Variants in KCNAB1 observed in about 807,000 individuals in gnomAD.
KCNAB1 encodes voltage-gated potassium channel subunit beta-1.
Under a neutral mutation model 64.6 loss-of-function variants are expected in KCNAB1, and 35 were observed. That is an observed-to-expected ratio of 0.54 (90% CI 0.41 to 0.72). The LOEUF is 0.72. Among genes scored for constraint, KCNAB1 ranks in the 30% least tolerant of loss-of-function variants. KCNAB1 has a pLI of 0.00. For synonymous variants in KCNAB1, 177 were observed against 183.8 expected (o/e 0.96, Z 0.30); for missense variants, 401 against 512.9 (o/e 0.78, Z 2.11).
intron 1 of KCNAB1, among the ~76,000 whole-genome samples, chr3:156,331,564 TGAG>T (rs929393821): frequency 2.6e-5 from 4 of 152,102 alleles, no homozygotes; most frequent in South Asian, 4.2e-4. Context: ...TTTACATAAA[TGAG>T]GGCATATAAA....
At chr3:156,281,730 T>C (rs1719739579) in intron 1 of KCNAB1, among the ~76,000 whole-genome samples, 1 of 151,292 alleles carries the variant, frequency 6.6e-6, no homozygotes, top group Non-Finnish European at 1.5e-5. Context: ...CCATTTCTTC[T>C]AGATTTTCTA....
At chr3:156,196,980 A>G (rs913468774) in intron 1 of KCNAB1, among the ~76,000 whole-genome samples, 4 of 152,196 alleles carry the variant, frequency 2.6e-5, no homozygotes, top group African/African-American at 9.7e-5. Flanking sequence ...CATTCCATCA[A>G]TACCTAGTTT....
chr3:156,204,755 C>A (rs1185317279), intron 1 of KCNAB1, among the ~76,000 whole-genome samples: 1 of 152,136 alleles, frequency 6.6e-6, no homozygotes, highest in African/African-American at 2.4e-5. Context: ...ATCGTTGGAA[C>A]CCAGGAGCCG....
chr3:156,524,013 T>A, intron 12 of KCNAB1, 66 bp downstream of exon 12: 1 of 1,455,526 alleles, frequency 6.9e-7, no homozygotes, highest in South Asian at 1.3e-5. Context: ...TTTCTATTGC[T>A]GACCACACCC....
chr3:156,354,402 C>A (rs1725092558), intron 1 of KCNAB1, among the ~76,000 whole-genome samples: 1 of 151,728 alleles, frequency 6.6e-6, no homozygotes, highest in African/African-American at 2.4e-5. Flanking sequence ...CTCAAGTGAT[C>A]TGCCTGCCTC....
chr3:156,134,791 C>T (rs1005346610), intron 1 of KCNAB1, among the ~76,000 whole-genome samples: 3 of 152,142 alleles, frequency 2.0e-5, no homozygotes, highest in Non-Finnish European at 4.4e-5. Context: ...CATTCTAGCA[C>T]AAATAGAGTA....
chr3:156,347,292 C>T (rs572777757), intron 1 of KCNAB1, among the ~76,000 whole-genome samples: 1 of 152,210 alleles, frequency 6.6e-6, no homozygotes, highest in South Asian at 2.1e-4. Flanking sequence ...AATGAGATCA[C>T]TGGTCACATC....
intron 1 of KCNAB1, among the ~76,000 whole-genome samples, chr3:156,336,225 G>A (rs186298977): frequency 6.6e-6 from 1 of 152,200 alleles, no homozygotes; most frequent in Admixed American, 6.5e-5. Context: ...AGCCAGATGT[G>A]GTGGCAGGTG....
intron 11 of KCNAB1, 187 bp from the exon 12 acceptor site, chr3:156,523,639 GA>G: frequency 1.7e-6 from 1 of 603,414 alleles, no homozygotes; most frequent in Non-Finnish European, 2.9e-6. Flanking sequence ...AATCTGTTTT[GA>G]ACCAATAAAC....
At chr3:156,468,182 A>G (rs1301486366) in intron 7 of KCNAB1, among the ~76,000 whole-genome samples, 3 of 152,186 alleles carry the variant, frequency 2.0e-5, no homozygotes, top group African/African-American at 4.8e-5. Flanking sequence ...GAAGATCTTT[A>G]TAGACCTATA....
intron 6 of KCNAB1, among the ~76,000 whole-genome samples, chr3:156,463,966 C>G (rs1295603374): frequency 6.6e-6 from 1 of 151,906 alleles, no homozygotes; most frequent in Non-Finnish European, 1.5e-5. Flanking sequence ...CATGTGGTCA[C>G]TTGTTACTAA....
At chr3:156,284,775 C>T (rs1719991095) in intron 1 of KCNAB1, among the ~76,000 whole-genome samples, 1 of 152,212 alleles carries the variant, frequency 6.6e-6, no homozygotes, top group South Asian at 2.1e-4. Context: ...AAGGGAACTC[C>T]CTGACCCCTT....
intron 1 of KCNAB1, among the ~76,000 whole-genome samples, chr3:156,239,890 G>A (rs559167933): frequency 6.6e-6 from 1 of 152,142 alleles, no homozygotes; most frequent in East Asian, 1.9e-4. Flanking sequence ...GCTTAGAAAA[G>A]GGATTAAAAA....
At chr3:156,383,835 G>A (rs1011825940) in intron 1 of KCNAB1, among the ~76,000 whole-genome samples, 4 of 152,176 alleles carry the variant, frequency 2.6e-5, no homozygotes, top group Non-Finnish European at 4.4e-5. Flanking sequence ...TTCCAACAGC[G>A]TTTTTCGCCC....
chr3:156,225,508 A>T (rs569720452), intron 1 of KCNAB1, among the ~76,000 whole-genome samples: 1 of 152,328 alleles, frequency 6.6e-6, no homozygotes, highest in Non-Finnish European at 1.5e-5. Flanking sequence ...TGAGAACTGG[A>T]ACAAGACAAG....
intron 1 of KCNAB1, chr3:156,291,899 G>A (rs1720460720): frequency 6.2e-7 from 1 of 1,613,902 alleles, no homozygotes; most frequent in African/African-American, 1.3e-5. Context: ...TGCGCTGCCT[G>A]GGGAAGCAAT....
intron 2 of KCNAB1, among the ~76,000 whole-genome samples, chr3:156,442,531 A>G (rs1021910440): frequency 6.6e-6 from 1 of 152,204 alleles, no homozygotes; most frequent in African/African-American, 2.4e-5. Flanking sequence ...TCTAAGAAAG[A>G]AAGAAAATAT....
At chr3:156,422,067 T>G (rs1226831861) in intron 2 of KCNAB1, among the ~76,000 whole-genome samples, 2 of 152,230 alleles carry the variant, frequency 1.3e-5, no homozygotes, top group African/African-American at 2.4e-5. Context: ...TATATTATTA[T>G]TATGCATTTT....
chr3:156,169,822 C>T (rs1711843587), intron 1 of KCNAB1, among the ~76,000 whole-genome samples: 1 of 152,192 alleles, frequency 6.6e-6, no homozygotes, highest in Non-Finnish European at 1.5e-5. Context: ...CCTGCAGCCT[C>T]CCCAGCCATG....
Sources: gnomAD v4.1 joint callset for allele counts (sites outside exome capture counted in the v4.1 genomes callset) on GRCh38, gnomAD v4.1.1 for gene constraint, MANE v1.5 for transcripts, NCBI Gene and HGNC (gene_info 2026-07-23, HGNC 2026-07-21) for gene names.